Variants in NKAIN3 observed in about 807,000 individuals in gnomAD.
NKAIN3 encodes sodium/potassium transporting ATPase interacting 3.
A neutral mutation model predicts 30.2 loss-of-function variants in NKAIN3; 25 were observed. The ratio of observed to expected loss-of-function variants is 0.83; its 90% CI spans 0.60 to 1.16. NKAIN3 has a LOEUF of 1.16. Ranked by LOEUF, NKAIN3 falls within the 50% of genes most tolerant of loss-of-function variation. The pLI is 0.00. For missense variants in NKAIN3, 225 were observed against 254.1 expected (o/e 0.89, Z 0.78); for synonymous variants, 91 against 89.6 (o/e 1.02, Z -0.09).
At chr8:62,906,079 C>A (rs942939359) in intron 4 of NKAIN3, among the ~76,000 whole-genome samples, 15 of 152,164 alleles carry the variant, frequency 9.9e-5, no homozygotes, top group African/African-American at 3.1e-4. Context: ...TCCAGTAACA[C>A]AACCCACAAG....
chr8:62,733,189 C>A (rs1041559687), intron 3 of NKAIN3, among the ~76,000 whole-genome samples: 1 of 152,232 alleles, frequency 6.6e-6, no homozygotes, highest in African/African-American at 2.4e-5. Context: ...TAAAACCTCA[C>A]CTTCCTTCCA....
chr8:62,669,018 A>G (rs1328875170), intron 3 of NKAIN3, among the ~76,000 whole-genome samples: 1 of 152,194 alleles, frequency 6.6e-6, no homozygotes, highest in African/African-American at 2.4e-5. Flanking sequence ...AGAAAGGTCT[A>G]CCACTCAGAT....
intron 3 of NKAIN3, among the ~76,000 whole-genome samples, chr8:62,613,227 G>A (rs1012189369): frequency 6.6e-6 from 1 of 152,060 alleles, no homozygotes; most frequent in African/African-American, 2.4e-5. Context: ...AAATCACTCA[G>A]TTTTTGTTTG....
chr8:62,439,163 A>T (rs1805253130), intron 1 of NKAIN3, among the ~76,000 whole-genome samples: 2 of 152,200 alleles, frequency 1.3e-5, no homozygotes, highest in Admixed American at 1.3e-4. Flanking sequence ...TGTGAAAAGT[A>T]AATGATGATG....
rs1563516998 is a variant in NKAIN3, at chr8:62,688,733, GACAGACAGAC to G, written c.274-58195_274-58186del. Among the ~76,000 whole-genome samples, 5 of 139,738 alleles carry G rather than the reference GACAGACAGAC, an allele frequency of 3.6e-5. 1 individual carries two copies. In the South Asian group the frequency reaches 7.0e-4, roughly 20 times the overall value. The allele number at this position is 139,738 out of a possible 152,430, so 91.7% of individuals were successfully genotyped here. A position where few individuals can be genotyped will look rare whatever the true frequency, so the allele number is the denominator to read the frequency against. ...TCTCACACATAGACACAGACAGACA[GACAGACAGAC>G]ACACACACACACACACACACACACA... On this transcript the variant is annotated intron_variant, in intron 3 of 6. Transcript: ENST00000623646.
intron 1 of NKAIN3, among the ~76,000 whole-genome samples, chr8:62,529,498 C>T (rs1267654117): frequency 6.6e-6 from 1 of 152,082 alleles, no homozygotes; most frequent in African/African-American, 2.4e-5. Context: ...GGGTGGAGCC[C>T]TCCTGAATGG....
chr8:62,414,539 G>A (rs1321750231), intron 1 of NKAIN3, among the ~76,000 whole-genome samples: 1 of 152,172 alleles, frequency 6.6e-6, no homozygotes, highest in Non-Finnish European at 1.5e-5. Flanking sequence ...TCTGATAAGA[G>A]GAGTTGCAGG....
intron 1 of NKAIN3, among the ~76,000 whole-genome samples, chr8:62,370,279 C>T (rs565689125): frequency 6.6e-6 from 1 of 151,842 alleles, no homozygotes; most frequent in African/African-American, 2.4e-5. Context: ...ACAAACCAGA[C>T]CAGCAAACAA....
chr8:62,387,023 T>C (rs1817450251), intron 1 of NKAIN3, among the ~76,000 whole-genome samples: 1 of 152,142 alleles, frequency 6.6e-6, no homozygotes, highest in East Asian at 1.9e-4. Flanking sequence ...AAGGTCATAG[T>C]GACTATACTA....
intron 1 of NKAIN3, among the ~76,000 whole-genome samples, chr8:62,395,132 C>T (rs1193927165): frequency 6.6e-6 from 1 of 150,926 alleles, no homozygotes; most frequent in Non-Finnish European, 1.5e-5. Flanking sequence ...CTCCTCACTT[C>T]CCAGACGGGG....
At chr8:62,350,391 G>A (rs769844746) in intron 1 of NKAIN3, among the ~76,000 whole-genome samples, 2 of 152,014 alleles carry the variant, frequency 1.3e-5, no homozygotes, top group African/African-American at 2.4e-5. Context: ...CATATGATTC[G>A]AGTTATATGA....
chr8:62,577,287 C>T (rs12542711), intron 1 of NKAIN3, among the ~76,000 whole-genome samples: 22,419 of 151,760 alleles, frequency 0.15, 2,177 homozygotes, highest in African/African-American at 0.28. Flanking sequence ...CATATTTTCT[C>T]ATAAGTGGCA....
chr8:62,250,056 C>CT (rs1812051589), intron 1 of NKAIN3, among the ~76,000 whole-genome samples: 1 of 152,158 alleles, frequency 6.6e-6, no homozygotes, highest in Admixed American at 6.5e-5. Flanking sequence ...CTCTGCCAAG[C>CT]TTTCTTCCAA....
intron 6 of NKAIN3, among the ~76,000 whole-genome samples, chr8:62,956,711 C>G (rs1441673933): frequency 2.0e-5 from 3 of 152,198 alleles, no homozygotes; most frequent in Non-Finnish European, 4.4e-5. Flanking sequence ...ATTCACTTTA[C>G]TATCACTGAT....
In NKAIN3 at chr8:62,454,220, T is replaced by C. The variant is rs191386731; in HGVS notation, c.55-125319T>C. On this transcript the variant is annotated intron_variant, in intron 1 of 6. Coordinates refer to ENST00000623646, the MANE Select transcript of NKAIN3 (RefSeq NM_001304533.3). ...TATTAAACCAAAAGGGTCCAATCTT[T>C]CAGCTTCCATGGGCCACATTGGGAG... Among the ~76,000 whole-genome samples the C allele has an allele frequency of 6.2e-5, 9 of 145,948 alleles. No individual in the cohort carries two copies. In the East Asian group the frequency reaches 1.8e-3, roughly 29 times the overall value.
At chr8:62,666,285 C>T (rs921782484) in intron 3 of NKAIN3, among the ~76,000 whole-genome samples, 1 of 152,134 alleles carries the variant, frequency 6.6e-6, no homozygotes, top group African/African-American at 2.4e-5. Context: ...TGTAACCATA[C>T]ACACAGTAAA....
At chr8:62,573,263 T>TA (rs1280322145) in intron 1 of NKAIN3, among the ~76,000 whole-genome samples, 1 of 152,186 alleles carries the variant, frequency 6.6e-6, no homozygotes, top group Admixed American at 6.5e-5. Context: ...ATTTGATTCT[T>TA]AAAGGTGTAA....
At chr8:62,638,178 T>G (rs1467354975) in intron 3 of NKAIN3, among the ~76,000 whole-genome samples, 1 of 152,192 alleles carries the variant, frequency 6.6e-6, no homozygotes, top group East Asian at 1.9e-4. Context: ...TAATAAGGTT[T>G]GCAAGCTCCT....
intron 1 of NKAIN3, among the ~76,000 whole-genome samples, chr8:62,342,529 C>A (rs1173938141): frequency 6.6e-6 from 1 of 152,036 alleles, no homozygotes; most frequent in African/African-American, 2.4e-5. Context: ...TCCATTAATG[C>A]CCTTTGAGTG....
Sources: allele counts gnomAD v4.1 joint callset (sites outside exome capture counted in the v4.1 genomes callset), GRCh38; gene constraint gnomAD v4.1.1; transcripts MANE v1.5; gene names NCBI Gene and HGNC (gene_info 2026-07-23, HGNC 2026-07-21).